Variants in FMNL2 observed in about 807,000 individuals in gnomAD.
FMNL2 encodes formin like 2.
Under a neutral mutation model 130.2 loss-of-function variants are expected in FMNL2, and 51 were observed. The observed-to-expected ratio is 0.39, with a 90% CI of 0.31 to 0.49. The LOEUF (loss-of-function observed/expected upper bound fraction) is 0.49. Ranked by LOEUF, FMNL2 falls within the 20% of genes least tolerant of loss-of-function variation. The probability of loss-of-function intolerance (pLI) is 0.85; values close to 1 mark genes in which losing one functional copy is unlikely to be tolerated. For missense variants in FMNL2, 977 were observed against 1,316.2 expected, an observed-to-expected ratio of 0.74 and a Z score of 3.99; for synonymous variants, 465 against 467.1, an observed-to-expected ratio of 1.00 and a Z score of 0.06.
intron 1 of FMNL2, among the ~76,000 whole-genome samples, chr2:152,495,687 AAGCTTTTACACCTCCTAGT>A (rs1691478336): frequency 7.5e-6 from 1 of 133,994 alleles, no homozygotes. Context: ...CATGCCCTAA[AAGCTTTTACACCTCCTAGT>A]TGAGAGGACA....
At chr2:152,367,460 T>C (rs531415538) in intron 1 of FMNL2, among the ~76,000 whole-genome samples, 16 of 152,336 alleles carry the variant, frequency 1.1e-4, no homozygotes, top group Admixed American at 3.3e-4. Flanking sequence ...TCTATATACT[T>C]AATGCTTTTG....
At chr2:152,375,850 G>GCGCTCT (rs1553871974) in intron 1 of FMNL2, among the ~76,000 whole-genome samples, 1 of 100,602 alleles carries the variant, frequency 9.9e-6, no homozygotes, top group Non-Finnish European at 1.9e-5. Flanking sequence ...AGCCATTGAA[G>GCGCTCT]CTCTCTCTCT....
At position 152,419,817 on chromosome 2, in the gene FMNL2, G is replaced by A. The variant is rs550620626; in HGVS notation, c.117+84097G>A. On this transcript the variant is annotated intron_variant, in intron 1 of 25. Transcript: ENST00000288670. ...TGACCTGTTTTGGAACTCTGGGGGA[G>A]CTTTATCAGGGAATACACTTGCTGG... 9.9e-5 allele frequency among the ~76,000 whole-genome samples: 15 copies of A among 152,210 alleles called. No individual in the cohort carries two copies. The South Asian group carries it at 2.9e-3, about 30-fold the overall frequency.
At chr2:152,493,040 G>T (rs1691302687) in intron 1 of FMNL2, among the ~76,000 whole-genome samples, 1 of 152,112 alleles carries the variant, frequency 6.6e-6, no homozygotes. Context: ...TAGCCTTAAA[G>T]AATGTATAAT....
At chr2:152,506,937 G>A (rs1038162316) in intron 1 of FMNL2, among the ~76,000 whole-genome samples, 1 of 152,192 alleles carries the variant, frequency 6.6e-6, no homozygotes, top group Non-Finnish European at 1.5e-5. Context: ...AATTCAGATT[G>A]TGCACACACT....
rs768965704 is a variant in FMNL2 at position 152,636,578 on chromosome 2, C to T, written c.2832C>T (p.Ala944=). The change falls in exon 22 of 26, where the codon GCC becomes GCT. Residue 944 remains alanine (A), a synonymous_variant. Coordinates refer to ENST00000288670, the MANE Select transcript of FMNL2 (RefSeq NM_052905.4). ...AGCTGAAGAAGCTGCAGGATGATGC[C>T]AAGATCGCACAGGCAAGTATTGGTG... The part of the protein sequence containing the change: ...EGKLKKLQDD[A]KIAQDAFDDV... The T allele has an allele frequency of 6.4e-7, 1 of 1,560,778 alleles. No individual in the cohort carries two copies. The highest frequency in any genetic ancestry group is 1.2e-5 in the South Asian group (1 of 84,904).
rs940267896 is a variant in FMNL2 at position 152,335,424 on chromosome 2, G to A, written c.-180G>A. The A allele has an allele frequency of 1.5e-5, 5 of 324,850 alleles. No individual in the cohort carries two copies. Among genetic ancestry groups the A allele is most frequent in the Admixed American group, 1.5e-4 (3 of 19,560 alleles). 20.1% of individuals were successfully genotyped at this position (324,850 alleles called of 1,614,324 possible). A position where few individuals can be genotyped will look rare whatever the true frequency, so the allele number is the denominator to read the frequency against. On this transcript the variant is annotated 5_prime_UTR_variant, in exon 1 of 26. Transcript: ENST00000288670. ...GAGAGCATGAGGGAGGCCGGGGGGCGGCTCGGCTTGGAGCGCTGCTAGGGA... is the reference window on the plus strand; with the variant it reads ...GAGAGCATGAGGGAGGCCGGGGGGCAGCTCGGCTTGGAGCGCTGCTAGGGA...
intron 1 of FMNL2, among the ~76,000 whole-genome samples, chr2:152,449,845 A>C (rs1688539098): frequency 6.6e-6 from 1 of 152,246 alleles, no homozygotes; most frequent in Non-Finnish European, 1.5e-5. Context: ...TGTTTGACAG[A>C]CTGCATAACC....
intron 1 of FMNL2, among the ~76,000 whole-genome samples, chr2:152,392,810 A>G (rs560903256): frequency 5.9e-5 from 9 of 152,312 alleles, no homozygotes; most frequent in Non-Finnish European, 1.0e-4. Flanking sequence ...GCTGACTGAC[A>G]GATGGATCCT....
intron 1 of FMNL2, among the ~76,000 whole-genome samples, chr2:152,490,737 A>AAG (rs548725226): frequency 1.8e-4 from 21 of 116,014 alleles, no homozygotes; most frequent in Non-Finnish European, 3.3e-4. Flanking sequence ...GAGTTTAAGG[A>AAG]AAAAAAAAAA....
At chr2:152,521,911 A>C in intron 1 of FMNL2, 32 bp from the exon 2 acceptor site, 1 of 1,556,354 alleles carries the variant, frequency 6.4e-7, no homozygotes, top group Non-Finnish European at 8.9e-7. Flanking sequence ...GTGGAATGTG[A>C]CATCTTTTCT....
At chr2:152,355,587 A>G (rs2105791585) in intron 1 of FMNL2, among the ~76,000 whole-genome samples, 1 of 152,336 alleles carries the variant, frequency 6.6e-6, no homozygotes, top group South Asian at 2.1e-4. Flanking sequence ...TCAAAGGAGC[A>G]GCAGATATGC....
At position 152,636,545 on chromosome 2, in the gene FMNL2, T is replaced by C; in HGVS notation, c.2799T>C (p.Asn933=). 1 of 1,573,416 alleles carries C rather than the reference T, an allele frequency of 6.4e-7. No homozygotes were observed. Among genetic ancestry groups the C allele is most frequent in the Non-Finnish European group, 8.7e-7 (1 of 1,154,916 alleles). ...NTLLKEFILN[N]EGKLKKLQDD... ...TGCTGAAGGAGTTCATCCTCAACAA[T>C]GAGGGGAAGCTGAAGAAGCTGCAGG... Residue 933 remains asparagine, a synonymous_variant, in exon 22 of 26, where the codon AAT becomes AAC. Coordinates refer to ENST00000288670, the MANE Select transcript of FMNL2 (RefSeq NM_052905.4).
intron 1 of FMNL2, among the ~76,000 whole-genome samples, chr2:152,504,912 A>G (rs182213754): frequency 6.6e-6 from 1 of 152,324 alleles, no homozygotes; most frequent in Non-Finnish European, 1.5e-5. Context: ...TAGGCCTTAA[A>G]TGTAGAAAAT....
intron 4 of FMNL2, among the ~76,000 whole-genome samples, chr2:152,553,217 C>T (rs139781322): frequency 2.6e-5 from 4 of 152,242 alleles, no homozygotes; most frequent in African/African-American, 9.6e-5. Context: ...TTTTAACATG[C>T]ATACAACACG....
At chr2:152,599,491 G>A (rs763169129) in intron 9 of FMNL2, among the ~76,000 whole-genome samples, 3 of 130,430 alleles carry the variant, frequency 2.3e-5, no homozygotes, top group East Asian at 2.5e-4. Context: ...TCAATGAGTC[G>A]TCCTTTGGGG....
rs1156792980 is a variant in FMNL2 at position 152,607,637 on chromosome 2, AG to A, written c.951+225del. ...ACATACACGGTATAGTAAAGACAAAAGTACTAATCATAGCAAATAAAGGGGA... is the reference window on the plus strand; with the variant it reads ...ACATACACGGTATAGTAAAGACAAAATACTAATCATAGCAAATAAAGGGGA... On this transcript the variant is annotated intron_variant, in intron 10 of 25. Coordinates refer to ENST00000288670, the MANE Select transcript of FMNL2 (RefSeq NM_052905.4). 6 of 373,988 alleles carry A rather than the reference AG, an allele frequency of 1.6e-5. No homozygotes were observed. The East Asian group carries it at 2.5e-4, about 15-fold the overall frequency. 23.2% of individuals were successfully genotyped at this position (373,988 alleles called of 1,614,324 possible).
chr2:152,518,313 A>C (rs1269316861), intron 1 of FMNL2, among the ~76,000 whole-genome samples: 1 of 152,214 alleles, frequency 6.6e-6, no homozygotes, highest in Non-Finnish European at 1.5e-5. Flanking sequence ...GGCTTGGCTC[A>C]TGGAAGGGGT....
chr2:152,416,187 C>T (rs189744930), intron 1 of FMNL2, among the ~76,000 whole-genome samples: 38 of 152,182 alleles, frequency 2.5e-4, no homozygotes, highest in Non-Finnish European at 4.6e-4. Context: ...AAACTTTCTT[C>T]GGTAACCATA....
Sources: allele counts gnomAD v4.1 joint callset (sites outside exome capture counted in the v4.1 genomes callset), GRCh38; gene constraint gnomAD v4.1.1; transcripts MANE v1.5; gene names NCBI Gene and HGNC (gene_info 2026-07-23, HGNC 2026-07-21).